INTS6: variants seen among roughly 807,000 people sequenced by gnomAD.
INTS6 encodes DEAD box protein.
Under a neutral mutation model 104.9 loss-of-function variants are expected in INTS6, and 16 were observed. The observed-to-expected ratio is 0.15, with a 90% confidence interval of 0.10 to 0.23. The LOEUF (loss-of-function observed/expected upper bound fraction) is 0.23. Ranked by LOEUF, INTS6 falls within the 10% of genes least tolerant of loss-of-function variation. The pLI is 1.00. For synonymous variants in INTS6, 324 were observed against 358.7 expected, an observed-to-expected ratio of 0.90 and a Z score of 1.09; for missense variants, 584 against 1,062.8, an observed-to-expected ratio of 0.55 and a Z score of 6.26.
At chr13:51,448,974 T>C (rs1389866579) in intron 3 of INTS6, 1 of 152,220 alleles carries the variant, frequency 6.6e-6, no homozygotes, top group South Asian at 2.1e-4. Flanking sequence ...TATTAAATAT[T>C]TGAGACATCC....
At chr13:51,415,054 A>G (rs1182761262) in intron 4 of INTS6, among the ~76,000 whole-genome samples, 9 of 152,182 alleles carry the variant, frequency 5.9e-5, no homozygotes, top group Non-Finnish European at 1.3e-4. Flanking sequence ...CCTAGAATAT[A>G]TAAGAAACTC....
chr13:51,411,552 CA>C (rs59096568), intron 4 of INTS6, among the ~76,000 whole-genome samples: 12,293 of 117,834 alleles, frequency 0.1, 828 homozygotes, highest in African/African-American at 0.23. Flanking sequence ...GACTCCATCT[CA>C]AAAAAAAAAA....
At chr13:51,387,833 ATC>A (rs763359512) in intron 6 of INTS6, among the ~76,000 whole-genome samples, 1 of 152,172 alleles carries the variant, frequency 6.6e-6, no homozygotes, top group Non-Finnish European at 1.5e-5. Flanking sequence ...TACGGTGAAT[ATC>A]TGTTTGATGA....
intron 5 of INTS6, among the ~76,000 whole-genome samples, chr13:51,391,255 T>C (rs977644220): frequency 2.0e-5 from 3 of 152,126 alleles, no homozygotes; most frequent in Non-Finnish European, 2.9e-5. Context: ...ATTCCTAAGA[T>C]GTCATTAAAA....
intron 5 of INTS6, among the ~76,000 whole-genome samples, chr13:51,390,273 C>A (rs982041321): frequency 6.6e-6 from 1 of 151,852 alleles, no homozygotes; most frequent in East Asian, 1.9e-4. Context: ...AAAATATACA[C>A]CTGATTTTGT....
chr13:51,413,482 T>C (rs192477538), intron 4 of INTS6, among the ~76,000 whole-genome samples: 2 of 152,320 alleles, frequency 1.3e-5, no homozygotes, highest in Admixed American at 6.5e-5. Flanking sequence ...CCATGAGATG[T>C]AGTTATTATC....
chr13:51,399,297 C>T lies in INTS6; in HGVS notation c.430-3814G>A, dbSNP rs200048649. ...TCATAGTTCACTGCACCCTCAAACT[C>T]CTAGACTCAAGAGATCTTCCTGCCT... On this transcript the variant is annotated intron_variant, in intron 4 of 17. Coordinates refer to ENST00000311234, the MANE Select transcript of INTS6 (RefSeq NM_012141.3). Among the ~76,000 whole-genome samples, 3 of 152,274 alleles carry T rather than the reference C, an allele frequency of 2.0e-5. No homozygotes were observed. The East Asian group carries it at 5.8e-4, about 29-fold the overall frequency.
chr13:51,415,798 A>G (rs1245792577), intron 4 of INTS6, among the ~76,000 whole-genome samples: 1 of 152,174 alleles, frequency 6.6e-6, no homozygotes, highest in African/African-American at 2.4e-5. Context: ...CCAAATACAC[A>G]CACTTCTGTG....
At chr13:51,425,321 G>A (rs1028237393) in intron 4 of INTS6, among the ~76,000 whole-genome samples, 2 of 151,964 alleles carry the variant, frequency 1.3e-5, no homozygotes, top group Non-Finnish European at 2.9e-5. Context: ...TGCCCTTACC[G>A]AATATCTATC....
At chr13:51,336,875 T>C in the INTS6 span, among the ~76,000 whole-genome samples, 4 of 152,204 alleles carry the variant, frequency 2.6e-5, no homozygotes, top group African/African-American at 9.7e-5. Context: ...CCCAGGTTCA[T>C]TTTGAGTCTA....
intron 4 of INTS6, among the ~76,000 whole-genome samples, chr13:51,399,585 C>T (rs1461308266): frequency 6.6e-6 from 1 of 152,048 alleles, no homozygotes; most frequent in Non-Finnish European, 1.5e-5. Flanking sequence ...CAGATACTGC[C>T]AGTTTTCCAA....
downstream of INTS6, among the ~76,000 whole-genome samples, chr13:51,351,500 A>G (rs73492243): frequency 1.3e-5 from 2 of 152,134 alleles, no homozygotes; most frequent in African/African-American, 4.8e-5. Context: ...TCTTTTTATT[A>G]TTGAGTTGTA....
chr13:51,451,928 G>T, intron 2 of INTS6, 50 bp downstream of exon 2: 1 of 1,426,916 alleles, frequency 7.0e-7, no homozygotes, highest in Non-Finnish European at 9.8e-7. Context: ...GGCGAGCGAG[G>T]AAGGAACAGG....
At chr13:51,423,688 T>C (rs1956936237) in intron 4 of INTS6, among the ~76,000 whole-genome samples, 1 of 151,996 alleles carries the variant, frequency 6.6e-6, no homozygotes, top group Non-Finnish European at 1.5e-5. Flanking sequence ...CAGTTCCATA[T>C]CCCTTGGAAA....
the INTS6 span, among the ~76,000 whole-genome samples, chr13:51,343,647 C>T: frequency 1.1e-4 from 16 of 152,268 alleles, no homozygotes; most frequent in Admixed American, 3.3e-4. Flanking sequence ...CTTAGGGAAA[C>T]GGGGGATGGG....
intron 16 of INTS6, among the ~76,000 whole-genome samples, chr13:51,368,338 G>A (rs577541539): frequency 6.6e-6 from 1 of 152,204 alleles, no homozygotes; most frequent in South Asian, 2.1e-4. Context: ...AACTCTGCAA[G>A]GGCTATAAAC....
intron 3 of INTS6, chr13:51,437,151 T>C (rs1442471430): frequency 6.6e-6 from 1 of 152,080 alleles, no homozygotes; most frequent in Non-Finnish European, 1.5e-5. Context: ...AACGTATAAA[T>C]AAAAACCAAG....
At chr13:51,401,842 C>A (rs1368583002) in intron 4 of INTS6, among the ~76,000 whole-genome samples, 6 of 151,844 alleles carry the variant, frequency 4.0e-5, no homozygotes, top group Admixed American at 3.9e-4. Flanking sequence ...ACTGCCTAAC[C>A]AGGAGTGGAA....
chr13:51,420,867 A>G (rs540882153), intron 4 of INTS6, among the ~76,000 whole-genome samples: 8 of 152,288 alleles, frequency 5.3e-5, no homozygotes, highest in Admixed American at 1.3e-4. Context: ...AACAGATACT[A>G]ACCTAAAGCT....
Sources: gnomAD v4.1 joint callset for allele counts (sites outside exome capture counted in the v4.1 genomes callset) on GRCh38, gnomAD v4.1.1 for gene constraint, MANE v1.5 for transcripts, NCBI Gene and HGNC (gene_info 2026-07-23, HGNC 2026-07-21) for gene names.